Variants in ABHD12B observed in about 807,000 individuals in gnomAD.
ABHD12B encodes protein ABHD12B.
Under a neutral mutation model 50.4 loss-of-function variants are expected in ABHD12B, and 42 were observed. That is an observed-to-expected ratio of 0.83 (90% CI 0.65 to 1.08). ABHD12B has a LOEUF of 1.08. ABHD12B is among the 50% of genes least tolerant of loss of function. The pLI, the probability that ABHD12B is intolerant of heterozygous loss-of-function variation, is 0.00. For missense variants in ABHD12B, 479 were observed against 447.7 expected, an observed-to-expected ratio of 1.07 and a Z score of -0.63; for synonymous variants, 167 against 160.3, an observed-to-expected ratio of 1.04 and a Z score of -0.32.
At chr14:50,886,982 G>A (rs1288213755) in intron 8 of ABHD12B, among the ~76,000 whole-genome samples, 6 of 152,086 alleles carry the variant, frequency 3.9e-5, no homozygotes, top group African/African-American at 7.2e-5. Context: ...TTGGGAGGCT[G>A]AGGTGGGTGG....
At chr14:50,890,883 T>C (rs986333611) in intron 9 of ABHD12B, among the ~76,000 whole-genome samples, 16 of 152,180 alleles carry the variant, frequency 1.1e-4, no homozygotes, top group African/African-American at 3.9e-4. Flanking sequence ...ATCATTACAG[T>C]GCAAGTTTTC....
chr14:50,897,136 G>A (rs1454902059), intron 9 of ABHD12B, among the ~76,000 whole-genome samples: 1 of 146,156 alleles, frequency 6.8e-6, no homozygotes, highest in East Asian at 2.1e-4. Flanking sequence ...GCAGTGGCGT[G>A]ATCTCAGCTC....
intron 5 of ABHD12B, among the ~76,000 whole-genome samples, chr14:50,883,531 T>G (rs573969631): frequency 4.6e-5 from 7 of 152,394 alleles, no homozygotes; most frequent in South Asian, 2.1e-4. Flanking sequence ...CCCTGCCCTT[T>G]GCATTCCCCA....
chr14:50,902,202 CT>C (rs35653629), intron 10 of ABHD12B, among the ~76,000 whole-genome samples: 55,118 of 151,944 alleles, frequency 0.36, 10,986 homozygotes, highest in East Asian at 0.61. Flanking sequence ...TTTTAAAGGG[CT>C]TGGTAGTGTT....
At chr14:50,890,974 T>C (rs1194253482) in intron 9 of ABHD12B, 1 of 152,208 alleles carries the variant, frequency 6.6e-6, no homozygotes, top group Non-Finnish European at 1.5e-5. Flanking sequence ...CTCATATTGA[T>C]ATATCAATAT....
At position 50,885,859 on chromosome 14, in the gene ABHD12B, C is replaced by A. The variant is rs1404866288; in HGVS notation, c.626C>A (p.Thr209Asn). ...TGGACCAAGGCAAGAAGTGGCATCA[C>A]TCCCGTGTGTCTCTGGGGCCACTCT... ...YEWTKARSGI[T>N]PVCLWGHSLG... Residue 209 changes from threonine (T) to asparagine (N), a missense_variant, in exon 7 of 13, where the codon ACT (threonine) becomes AAT (asparagine). Coordinates refer to ENST00000337334, the MANE Select transcript of ABHD12B (RefSeq NM_001206673.2). 6.2e-7 allele frequency: 1 copy of A among 1,614,062 alleles called. No homozygotes were observed. Among genetic ancestry groups the A allele is most frequent in the East Asian group, 2.2e-5 (1 of 44,886 alleles).
intron 1 of ABHD12B, among the ~76,000 whole-genome samples, chr14:50,874,555 G>A (rs973269216): frequency 6.6e-6 from 1 of 151,608 alleles, no homozygotes; most frequent in East Asian, 1.9e-4. Flanking sequence ...AGCCGAGATC[G>A]CACCACTGCA....
intron 9 of ABHD12B, 62 bp from the exon 10 acceptor site, chr14:50,901,767 C>G: frequency 9.1e-7 from 1 of 1,093,412 alleles, no homozygotes; most frequent in Non-Finnish European, 1.3e-6. Flanking sequence ...TAGTGAAAGA[C>G]TATATAACAG....
rs10146678 is a variant in ABHD12B, at chr14:50,885,474, T to C, written c.487-140T>C. On this transcript the variant is annotated intron_variant, in intron 5 of 12. Transcript: ENST00000337334. ...TAGCTGTTTTTCTAGGTTCTGCAGTTAAAAAAAATACTAATGAACAAGTTA... is the reference window on the plus strand; with the variant it reads ...TAGCTGTTTTTCTAGGTTCTGCAGTCAAAAAAAATACTAATGAACAAGTTA... 2.5e-3 allele frequency: 2,210 copies of C among 891,232 alleles called. 38 individuals carry two copies. In the African/African-American group the frequency reaches 0.032, roughly 13 times the overall value. 55.2% of individuals were successfully genotyped at this position (891,232 alleles called of 1,614,324 possible).
chr14:50,896,813 G>T (rs912149467), intron 9 of ABHD12B, among the ~76,000 whole-genome samples: 6 of 152,076 alleles, frequency 3.9e-5, no homozygotes, highest in Non-Finnish European at 7.4e-5. Context: ...CCTGCACCCA[G>T]GTGAAATAAA....
chr14:50,895,908 A>AT (rs2050192606), intron 9 of ABHD12B, among the ~76,000 whole-genome samples: 1 of 152,106 alleles, frequency 6.6e-6, no homozygotes, highest in African/African-American at 2.4e-5. Context: ...CTTTTTAGTT[A>AT]TCCCCACCTG....
At chr14:50,876,918 G>A (rs1352724487) in intron 1 of ABHD12B, among the ~76,000 whole-genome samples, 1 of 152,106 alleles carries the variant, frequency 6.6e-6, no homozygotes, top group Non-Finnish European at 1.5e-5. Context: ...GATAATGTGG[G>A]CAAAAACTGG....
chr14:50,892,301 G>A (rs2050130020), intron 9 of ABHD12B: 1 of 522,382 alleles, frequency 1.9e-6, no homozygotes, highest in Non-Finnish European at 2.5e-6. Context: ...ATTTATTGAG[G>A]AAATGTTCTT....
intron 8 of ABHD12B, among the ~76,000 whole-genome samples, chr14:50,888,380 T>C (rs2050070720): frequency 3.3e-5 from 5 of 152,030 alleles, no homozygotes; most frequent in Admixed American, 2.6e-4. Context: ...ATTTTTGTAT[T>C]TTTAGTAGAG....
At chr14:50,900,458 G>A (rs1363488935) in intron 9 of ABHD12B, among the ~76,000 whole-genome samples, 2 of 152,176 alleles carry the variant, frequency 1.3e-5, no homozygotes, top group African/African-American at 2.4e-5. Context: ...TACCTACGAA[G>A]TTCATATTGT....
intron 9 of ABHD12B, among the ~76,000 whole-genome samples, chr14:50,896,644 C>T (rs2050203607): frequency 6.7e-6 from 1 of 149,516 alleles, no homozygotes; most frequent in South Asian, 2.2e-4. Flanking sequence ...ATTTCCTTCT[C>T]CTGGCTCAGA....
chr14:50,888,929 G>A (rs1349842123), intron 9 of ABHD12B, 26 bp downstream of exon 9: 1 of 1,596,150 alleles, frequency 6.3e-7, no homozygotes, highest in East Asian at 2.2e-5. Flanking sequence ...ATCTTTACAA[G>A]GGATCAAAGT....
At chr14:50,899,455 C>T (rs1202303687) in intron 9 of ABHD12B, among the ~76,000 whole-genome samples, 4 of 152,082 alleles carry the variant, frequency 2.6e-5, no homozygotes, top group African/African-American at 9.7e-5. Flanking sequence ...ACATTATAGC[C>T]ATGGGGCAAG....
Position 50,872,224 on chromosome 14 carries a change from C to G in ABHD12B, c.50C>G (p.Pro17Arg). 7.2e-7 allele frequency: 1 copy of G among 1,391,218 alleles called. No individual in the cohort carries two copies. The highest frequency in any genetic ancestry group is 9.4e-7 in the Non-Finnish European group (1 of 1,069,492). 86.2% of individuals were successfully genotyped at this position (1,391,218 alleles called of 1,614,324 possible). The change falls in exon 1 of 13, where the codon CCC (proline) becomes CGC (arginine). Residue 17 changes from proline (P) to arginine (R), a missense_variant. Physicochemically the swap from Pro to Arg is moderately radical, Grantham distance 103. Coordinates refer to ENST00000337334, the MANE Select transcript of ABHD12B (RefSeq NM_001206673.2). ...QAAASPEPPG[P>R]PARSCVAAWW... ...GCCGCATCGCCCGAGCCGCCCGGGC[C>G]CCCAGCCCGTAGCTGCGTGGCCGCC...
Sources: allele counts gnomAD v4.1 joint callset (sites outside exome capture counted in the v4.1 genomes callset), GRCh38; gene constraint gnomAD v4.1.1; transcripts MANE v1.5; gene names NCBI Gene and HGNC (gene_info 2026-07-23, HGNC 2026-07-21).